CNTN1: variants seen among roughly 807,000 people sequenced by gnomAD.
CNTN1 encodes contactin-1.
A neutral mutation model predicts 126.4 loss-of-function variants in CNTN1; 38 were observed. The ratio of observed to expected loss-of-function variants is 0.30; its 90% CI spans 0.23 to 0.39. CNTN1 has a LOEUF of 0.39. Ranked by LOEUF, CNTN1 falls within the 10% of genes least tolerant of loss-of-function variation. The pLI is 1.00. For missense variants in CNTN1, 1,009 were observed against 1,248.4 expected (o/e 0.81, Z 2.89); for synonymous variants, 413 against 422.6 (o/e 0.98, Z 0.28).
intron 3 of CNTN1, among the ~76,000 whole-genome samples, chr12:40,912,317 T>G (rs1423846529): frequency 3.3e-5 from 5 of 152,078 alleles, no homozygotes; most frequent in African/African-American, 1.2e-4. Context: ...TGTTTAGATA[T>G]TTAATTAATA....
chr12:40,904,617 A>G (rs557080047), intron 1 of CNTN1, among the ~76,000 whole-genome samples: 1 of 151,816 alleles, frequency 6.6e-6, no homozygotes, highest in Non-Finnish European at 1.5e-5. Context: ...TTTACTAGTG[A>G]TAGGGTTTCA....
Position 40,908,275 on chromosome 12 carries a change from C to T in CNTN1, c.-76-82C>T, listed in dbSNP as rs545578468. On this transcript the variant is annotated intron_variant, in intron 1 of 23. Transcript: ENST00000551295. The stretch of plus-strand genomic sequence containing the variant: ...ATTTCCAATTTCCTTCCCTTTCTTT[C>T]TTCTCCTCTCCTCCTCTCCCCTTCC... The T allele has an allele frequency of 1.7e-4, 95 of 562,224 alleles. 2 individuals are homozygous for T. The South Asian group carries it at 2.1e-3, about 13-fold the overall frequency. The allele number at this position is 562,224 out of a possible 1,614,324, so 34.8% of individuals were successfully genotyped here.
chr12:40,926,402 C>A (rs1006101592), intron 6 of CNTN1, among the ~76,000 whole-genome samples: 2 of 151,918 alleles, frequency 1.3e-5, no homozygotes, highest in Non-Finnish European at 2.9e-5. Context: ...ACCAAGGAAG[C>A]CAGGGTGGCT....
At chr12:40,738,777 G>T (rs1219221744) in intron 1 of CNTN1, among the ~76,000 whole-genome samples, 1 of 151,984 alleles carries the variant, frequency 6.6e-6, no homozygotes, top group Non-Finnish European at 1.5e-5. Flanking sequence ...AAACTACAGA[G>T]ATTTAATGTT....
intron 1 of CNTN1, among the ~76,000 whole-genome samples, chr12:40,861,123 T>C (rs1450378642): frequency 2.0e-5 from 3 of 152,166 alleles, no homozygotes; most frequent in East Asian, 3.9e-4. Context: ...AACACATGGC[T>C]ACTTTAAAGT....
At chr12:40,925,842 G>GTATA (rs769314764) in intron 6 of CNTN1, among the ~76,000 whole-genome samples, 15 of 129,184 alleles carry the variant, frequency 1.2e-4, no homozygotes, top group African/African-American at 4.0e-4. Flanking sequence ...ATGTGTGTGT[G>GTATA]TGTATATATA....
intron 1 of CNTN1, among the ~76,000 whole-genome samples, chr12:40,889,306 C>T (rs543907050): frequency 6.6e-6 from 1 of 152,148 alleles, no homozygotes; most frequent in South Asian, 2.1e-4. Context: ...GAAAACAAAA[C>T]AAAATTGTTA....
At chr12:41,068,080 CT>C (rs1262692761) in intron 23 of CNTN1, among the ~76,000 whole-genome samples, 1 of 152,176 alleles carries the variant, frequency 6.6e-6, no homozygotes. Flanking sequence ...CAGTCCCTTG[CT>C]AAAGCTACCT....
intron 4 of CNTN1, 79 bp downstream of exon 4, chr12:40,918,850 T>A (rs976333147): frequency 6.5e-7 from 1 of 1,528,000 alleles, no homozygotes. Context: ...CTTGTACAGA[T>A]GTAATATAGT....
At chr12:40,794,539 A>T (rs1478348419) in intron 1 of CNTN1, among the ~76,000 whole-genome samples, 1 of 152,048 alleles carries the variant, frequency 6.6e-6, no homozygotes, top group Non-Finnish European at 1.5e-5. Context: ...ATTTTACCTA[A>T]ATGATATATT....
intron 1 of CNTN1, among the ~76,000 whole-genome samples, chr12:40,794,701 A>G (rs1040765850): frequency 1.5e-4 from 23 of 152,206 alleles, no homozygotes; most frequent in African/African-American, 5.5e-4. Context: ...AAAAGTTACT[A>G]TAATTCTGAA....
chr12:40,751,733 G>A (rs1449865690), intron 1 of CNTN1, among the ~76,000 whole-genome samples: 3 of 152,048 alleles, frequency 2.0e-5, no homozygotes, highest in Non-Finnish European at 4.4e-5. Flanking sequence ...AGCATTACCA[G>A]TTATATGAGT....
At chr12:41,067,945 A>G (rs1331577888) in intron 23 of CNTN1, among the ~76,000 whole-genome samples, 1 of 152,230 alleles carries the variant, frequency 6.6e-6, no homozygotes, top group Non-Finnish European at 1.5e-5. Flanking sequence ...TTACAAGAAT[A>G]CAAAGATCTC....
At position 40,766,178 on chromosome 12, in the gene CNTN1, C is replaced by T. The variant is rs567972285; in HGVS notation, c.-77+73586C>T. ...TTCGAGATCAGTCTGGCCATCATGG[C>T]GAAACCCCATCTCTACTAAAAATAC... On this transcript the variant is annotated intron_variant, in intron 1 of 23. Coordinates refer to ENST00000551295, the MANE Select transcript of CNTN1 (RefSeq NM_001843.4). 4.9e-4 allele frequency among the ~76,000 whole-genome samples: 75 copies of T among 151,956 alleles called. No individual in the cohort carries two copies. The South Asian group carries it at 8.5e-3, about 17-fold the overall frequency.
intron 1 of CNTN1, among the ~76,000 whole-genome samples, chr12:40,851,317 C>T (rs967916342): frequency 5.3e-4 from 81 of 152,158 alleles, no homozygotes; most frequent in African/African-American, 1.8e-3. Flanking sequence ...TGGCATTTTT[C>T]CAGTGCACTG....
intron 15 of CNTN1, among the ~76,000 whole-genome samples, chr12:40,977,019 C>A (rs1947693222): frequency 6.6e-6 from 1 of 152,120 alleles, no homozygotes; most frequent in Non-Finnish European, 1.5e-5. Flanking sequence ...GACACAGCCT[C>A]AGGAGGTCCT....
intron 1 of CNTN1, among the ~76,000 whole-genome samples, chr12:40,736,813 T>A (rs1937708245): frequency 6.6e-6 from 1 of 151,980 alleles, no homozygotes; most frequent in Non-Finnish European, 1.5e-5. Context: ...TAACTGGGTC[T>A]TAAACAAACA....
intron 15 of CNTN1, among the ~76,000 whole-genome samples, chr12:40,963,680 C>T (rs1314436716): frequency 6.6e-6 from 1 of 151,966 alleles, no homozygotes; most frequent in Non-Finnish European, 1.5e-5. Flanking sequence ...TGTTTTTAGG[C>T]TTCTGGTATA....
In CNTN1 at chr12:40,948,095, C is replaced by A. The variant is rs149952379; in HGVS notation, c.1683+3925C>A. On this transcript the variant is annotated intron_variant, in intron 14 of 23. Coordinates refer to ENST00000551295, the MANE Select transcript of CNTN1 (RefSeq NM_001843.4). ...AGGTTACTTCACTGGGTTTGAAAAA[C>A]TAGTTACTTCATGAAAGAGTGCATA... 2.1e-3 allele frequency among the ~76,000 whole-genome samples: 322 copies of A among 151,888 alleles called. 5 individuals carry two copies. In the East Asian group the frequency reaches 0.034, roughly 16 times the overall value.
Sources: allele counts gnomAD v4.1 joint callset (sites outside exome capture counted in the v4.1 genomes callset), GRCh38; gene constraint gnomAD v4.1.1; transcripts MANE v1.5; gene names NCBI Gene and HGNC (gene_info 2026-07-23, HGNC 2026-07-21).